The following AKT3 variants were observed in gnomAD, a reference collection of about 807,000 sequenced individuals.
AKT3 encodes the protein RAC-gamma serine/threonine-protein kinase.
A neutral mutation model predicts 65.3 loss-of-function variants in AKT3; 15 were observed. The observed-to-expected ratio is 0.23, with a 90% CI of 0.15 to 0.35. The LOEUF (loss-of-function observed/expected upper bound fraction) is 0.35. Among genes scored for constraint, AKT3 ranks in the 10% least tolerant of loss-of-function variants. The pLI, the probability that AKT3 is intolerant of heterozygous loss-of-function variation, is 1.00. For synonymous variants in AKT3, 206 were observed against 183.8 expected, an observed-to-expected ratio of 1.12 and a Z score of -0.98; for missense variants, 243 against 576.5, an observed-to-expected ratio of 0.42 and a Z score of 5.92.
chr1:243,569,731 T>C lies in AKT3; in HGVS notation c.819+3195A>G, dbSNP rs149125914. Among the ~76,000 whole-genome samples the C allele has an allele frequency of 2.8e-3, 432 of 152,374 alleles. 2 individuals carry two copies. The highest frequency in any genetic ancestry group is 0.01 in the Middle Eastern group (3 of 294). ...AAATAGGAAATAGCAACAACTTATG[T>C]ATTATTTTCTCCCATAAACTAGCAA... On this transcript the variant is annotated intron_variant, in intron 9 of 13. Coordinates refer to ENST00000673466, the MANE Select transcript of AKT3 (RefSeq NM_005465.7).
downstream of AKT3, among the ~76,000 whole-genome samples, chr1:243,497,345 G>GC (rs1216755341): frequency 7.1e-5 from 10 of 141,098 alleles, no homozygotes; most frequent in East Asian, 1.9e-3. Context: ...GGTGGGGGGG[G>GC]GGGCGTTGAG....
intron 13 of AKT3, among the ~76,000 whole-genome samples, chr1:243,511,146 T>C (rs1669986650): frequency 6.6e-6 from 1 of 152,278 alleles, no homozygotes; most frequent in Non-Finnish European, 1.5e-5. Flanking sequence ...AATGGATTGG[T>C]ATTTCACAAC....
intron 12 of AKT3, among the ~76,000 whole-genome samples, chr1:243,527,511 T>A (rs1265609796): frequency 6.6e-6 from 1 of 152,164 alleles, no homozygotes; most frequent in African/African-American, 2.4e-5. Flanking sequence ...ATTTTTTCTT[T>A]CGAGGAACAA....
chr1:243,659,316 A>T (rs775783596), intron 4 of AKT3, among the ~76,000 whole-genome samples: 1 of 152,226 alleles, frequency 6.6e-6, no homozygotes. Context: ...CAGTCATGCC[A>T]GATGAAAACG....
chr1:243,643,834 A>G (rs1680615845), intron 5 of AKT3, among the ~76,000 whole-genome samples: 1 of 152,222 alleles, frequency 6.6e-6, no homozygotes, highest in Non-Finnish European at 1.5e-5. Context: ...TTATTTCACA[A>G]TGTGTGGTTA....
rs925602301 is a variant in AKT3 at position 243,774,621 on chromosome 1, A to G, written c.46+68504T>C. ...AAAGAAAAGCCCCAAACCACAATTT[A>G]AGGATATCTTTTTAACCACTACAGC... On this transcript the variant is annotated intron_variant, in intron 2 of 13. Coordinates refer to ENST00000673466, the MANE Select transcript of AKT3 (RefSeq NM_005465.7). Among the ~76,000 whole-genome samples, 13 of 152,288 alleles carry G rather than the reference A, an allele frequency of 8.5e-5. No individual in the cohort carries two copies. The East Asian group carries it at 2.5e-3, about 29-fold the overall frequency.
intron 8 of AKT3, among the ~76,000 whole-genome samples, chr1:243,573,445 T>C (rs1287792366): frequency 2.0e-5 from 3 of 152,170 alleles, no homozygotes; most frequent in Non-Finnish European, 4.4e-5. Flanking sequence ...ACTTAATTAT[T>C]TGATTTCAAA....
intron 3 of AKT3, among the ~76,000 whole-genome samples, chr1:243,666,654 G>A (rs1682803058): frequency 2.0e-5 from 3 of 152,160 alleles, no homozygotes; most frequent in South Asian, 2.1e-4. Context: ...GGTGCTCCTC[G>A]ACTTATGACT....
chr1:243,676,753 T>C (rs1212900850), intron 3 of AKT3, among the ~76,000 whole-genome samples: 2 of 152,224 alleles, frequency 1.3e-5, no homozygotes, highest in African/African-American at 2.4e-5. Flanking sequence ...CCAACATTCA[T>C]GTTAACAGTT....
intron 8 of AKT3, among the ~76,000 whole-genome samples, chr1:243,602,775 CTG>C (rs1677109384): frequency 6.6e-6 from 1 of 152,126 alleles, no homozygotes; most frequent in African/African-American, 2.4e-5. Flanking sequence ...ATAACTGAAA[CTG>C]TTAGCTTCAT....
chr1:243,540,879 T>G (rs1672266096), intron 12 of AKT3, among the ~76,000 whole-genome samples: 1 of 152,170 alleles, frequency 6.6e-6, no homozygotes, highest in African/African-American at 2.4e-5. Context: ...TCCTCATGAT[T>G]ATACTGAGGT....
chr1:243,527,679 T>C (rs193044701), intron 12 of AKT3, among the ~76,000 whole-genome samples: 1 of 152,178 alleles, frequency 6.6e-6, no homozygotes, highest in East Asian at 1.9e-4. Context: ...AAACTTCTAA[T>C]ATCAACCATA....
At chr1:243,681,443 T>G (rs1683911588) in intron 3 of AKT3, among the ~76,000 whole-genome samples, 1 of 152,244 alleles carries the variant, frequency 6.6e-6, no homozygotes, top group South Asian at 2.1e-4. Flanking sequence ...ATGACAAAAT[T>G]CTGAGTCCCA....
At chr1:243,536,246 A>T (rs1186981317) in intron 12 of AKT3, among the ~76,000 whole-genome samples, 2 of 151,892 alleles carry the variant, frequency 1.3e-5, no homozygotes, top group African/African-American at 4.8e-5. Context: ...CCATTTATTT[A>T]TTTTTGTTTT....
At chr1:243,711,042 C>T (rs1449784666) in intron 2 of AKT3, among the ~76,000 whole-genome samples, 1 of 152,132 alleles carries the variant, frequency 6.6e-6, no homozygotes, top group African/African-American at 2.4e-5. Context: ...ATCAGCTGGC[C>T]AGGCACAGTG....
chr1:243,751,148 C>T (rs986284698), intron 2 of AKT3, among the ~76,000 whole-genome samples: 1 of 139,876 alleles, frequency 7.1e-6, no homozygotes, highest in African/African-American at 2.6e-5. Flanking sequence ...AAATGCTTCT[C>T]AAAAAAAAAA....
At chr1:243,694,814 A>G (rs926666531) in intron 3 of AKT3, among the ~76,000 whole-genome samples, 1 of 151,914 alleles carries the variant, frequency 6.6e-6, no homozygotes, top group African/African-American at 2.4e-5. Flanking sequence ...AATATGGCTA[A>G]TAGATAACAT....
chr1:243,820,926 C>G (rs1414551079), intron 2 of AKT3, among the ~76,000 whole-genome samples: 1 of 152,014 alleles, frequency 6.6e-6, no homozygotes, highest in Non-Finnish European at 1.5e-5. Context: ...TCCAGGAAAT[C>G]CAGAGAACCC....
intron 2 of AKT3, among the ~76,000 whole-genome samples, chr1:243,783,191 C>T (rs929059445): frequency 7.9e-5 from 12 of 151,992 alleles, no homozygotes; most frequent in African/African-American, 2.9e-4. Context: ...GGATAATGGC[C>T]AGTGACTAGA....
Sources: allele counts gnomAD v4.1 joint callset (sites outside exome capture counted in the v4.1 genomes callset), GRCh38; gene constraint gnomAD v4.1.1; transcripts MANE v1.5; gene names NCBI Gene and HGNC (gene_info 2026-07-23, HGNC 2026-07-21).